The following PAK3 variants were observed in gnomAD, a reference collection of about 807,000 sequenced individuals.
The protein encoded by PAK3 is p21 (RAC1) activated kinase 3.
PAK3 carries 4 observed loss-of-function variants against 41.0 expected under a neutral mutation model. The observed-to-expected ratio is 0.10, with a 90% confidence interval of 0.05 to 0.22. The LOEUF (loss-of-function observed/expected upper bound fraction) is 0.22, where lower values mean the gene tolerates loss of function less well. Ranked by LOEUF, PAK3 falls within the 10% of genes least tolerant of loss-of-function variation. The pLI is 1.00. For synonymous variants in PAK3, 146 were observed against 139.6 expected, an observed-to-expected ratio of 1.05 and a Z score of -0.32; for missense variants, 205 against 409.9, an observed-to-expected ratio of 0.50 and a Z score of 4.32.
At chrX:111,131,342 G>T (rs2093714338) in intron 5 of PAK3, among the ~76,000 whole-genome samples, 1 of 111,629 alleles carries the variant, frequency 9.0e-6, no homozygotes, top group Admixed American at 9.5e-5. Flanking sequence ...CTCATTTAAT[G>T]AACACCTTCC....
chrX:111,146,468 G>T (rs1280938945), intron 6 of PAK3: 2 of 828,721 alleles, frequency 2.4e-6, no homozygotes, highest in Admixed American at 2.6e-5. Flanking sequence ...CTTCTAAGTT[G>T]TCCCACATTC....
At chrX:111,165,383 C>T (rs2094241979) in intron 10 of PAK3, among the ~76,000 whole-genome samples, 1 of 111,657 alleles carries the variant, frequency 9.0e-6, no homozygotes, top group South Asian at 3.8e-4. Flanking sequence ...ACAGTAATTC[C>T]TTGCAGCTGA....
chrX:111,114,901 C>T (rs1367796290), intron 4 of PAK3, among the ~76,000 whole-genome samples: 1 of 112,048 alleles, frequency 8.9e-6, no homozygotes, highest in African/African-American at 3.2e-5. Flanking sequence ...ACTGATTTAC[C>T]CTCAGGCCTG....
At chrX:111,186,190 GA>G (rs1298668329) in intron 11 of PAK3, among the ~76,000 whole-genome samples, 1 of 111,412 alleles carries the variant, frequency 9.0e-6, no homozygotes, top group East Asian at 2.8e-4. Flanking sequence ...ATATCATACT[GA>G]ATGGGCAAAA....
intron 1 of PAK3, among the ~76,000 whole-genome samples, chrX:111,051,374 C>G (rs1210983949): frequency 1.8e-5 from 2 of 111,782 alleles, no homozygotes; most frequent in Non-Finnish European, 3.8e-5. Context: ...CTAGCGGAAG[C>G]CTTTCCCTGG....
At chrX:110,982,900 A>C (rs1368818737) in intron 1 of PAK3, among the ~76,000 whole-genome samples, 1 of 110,267 alleles carries the variant, frequency 9.1e-6, no homozygotes, top group Non-Finnish European at 1.9e-5. Flanking sequence ...GTGGGATGGC[A>C]TGATCTAGTG....
intron 1 of PAK3, among the ~76,000 whole-genome samples, chrX:111,062,516 G>A (rs1189179274): frequency 8.9e-6 from 1 of 112,328 alleles, no homozygotes; most frequent in Non-Finnish European, 1.9e-5. Context: ...CTGAGAAGAT[G>A]GAATCTGCCA....
At chrX:111,208,060 C>T (rs777498599) in intron 16 of PAK3, among the ~76,000 whole-genome samples, 1 of 112,706 alleles carries the variant, frequency 8.9e-6, no homozygotes, top group South Asian at 3.7e-4. Context: ...TCCCAAAGTG[C>T]TGGGGTTACA....
chrX:111,093,354 A>T (rs2092944562), upstream of PAK3, among the ~76,000 whole-genome samples: 1 of 111,967 alleles, frequency 8.9e-6, no homozygotes, highest in Admixed American at 9.5e-5. Context: ...GTGGTTTGTA[A>T]CCTGAGAAGT....
At chrX:111,027,315 A>G (rs762480326) in intron 1 of PAK3, among the ~76,000 whole-genome samples, 15 of 112,198 alleles carry the variant, frequency 1.3e-4, no homozygotes, top group Admixed American at 5.7e-4. Context: ...AGATAAATAG[A>G]TGGGACTTAA....
rs1051203256 is a variant in PAK3 at position 111,113,384 on chromosome X, C to T, written c.-27-9693C>T. Among the ~76,000 whole-genome samples, 4 of 110,943 alleles carry T rather than the reference C, an allele frequency of 3.6e-5. No homozygotes were observed. The Admixed American group carries it at 3.8e-4, about 11-fold the overall frequency. On this transcript the variant is annotated intron_variant, in intron 4 of 17. Coordinates refer to ENST00000372007, the MANE Select transcript of PAK3 (RefSeq NM_002578.5). ...ATGCTTCCTGTACCTGACATAATAC[C>T]TAGTATATATGAATGTTGGTGGTGG... is the stretch of plus-strand genomic sequence containing the variant.
chrX:111,146,409 T>C, intron 6 of PAK3: 2 of 541,407 alleles, frequency 3.7e-6, no homozygotes, highest in Non-Finnish European at 6.3e-6. Flanking sequence ...CTGCCCCACT[T>C]TAGAAGGGAC....
At chrX:111,031,974 C>T (rs1053054083) in intron 1 of PAK3, among the ~76,000 whole-genome samples, 2 of 112,249 alleles carry the variant, frequency 1.8e-5, no homozygotes, top group South Asian at 3.7e-4. Context: ...TTCAAAATTA[C>T]AGTAGTTATG....
chrX:111,171,198 T>C (rs954995852), intron 10 of PAK3, among the ~76,000 whole-genome samples: 4 of 111,367 alleles, frequency 3.6e-5, no homozygotes, highest in African/African-American at 9.8e-5. Context: ...AGAGTATGAA[T>C]ACGAGTGACA....
At chrX:110,999,986 G>GT (rs971575940) in intron 1 of PAK3, among the ~76,000 whole-genome samples, 3 of 111,150 alleles carry the variant, frequency 2.7e-5, no homozygotes, top group Non-Finnish European at 3.8e-5. Flanking sequence ...ATATATAAAA[G>GT]TTTTTTTAAA....
intron 4 of PAK3, among the ~76,000 whole-genome samples, chrX:111,113,606 G>A (rs746585972): frequency 1.5e-3 from 162 of 111,152 alleles, no homozygotes; most frequent in Non-Finnish European, 2.2e-3. Flanking sequence ...TTCTATTTTT[G>A]TCTGTATATG....
chrX:111,129,536 A>C (rs2093690907), intron 5 of PAK3, among the ~76,000 whole-genome samples: 1 of 110,910 alleles, frequency 9.0e-6, no homozygotes, highest in Non-Finnish European at 1.9e-5. Flanking sequence ...CTCCTAGGAA[A>C]CCCGTGTTGA....
chrX:111,038,619 C>T (rs1317562841), intron 1 of PAK3, among the ~76,000 whole-genome samples: 1 of 111,877 alleles, frequency 8.9e-6, no homozygotes, highest in Admixed American at 9.4e-5. Context: ...TGTCAGAAGC[C>T]ACATTGCCCA....
intron 1 of PAK3, among the ~76,000 whole-genome samples, chrX:111,014,646 GCTCT>G (rs962162939): frequency 3.6e-5 from 4 of 111,429 alleles, no homozygotes; most frequent in African/African-American, 1.3e-4. Flanking sequence ...CGTTCGTTCT[GCTCT>G]CTGTCTTCCC....
Sources: allele counts gnomAD v4.1 joint callset (sites outside exome capture counted in the v4.1 genomes callset), GRCh38; gene constraint gnomAD v4.1.1; transcripts MANE v1.5; gene names NCBI Gene and HGNC (gene_info 2026-07-23, HGNC 2026-07-21).